SYNE2: variants seen among roughly 807,000 people sequenced by gnomAD.
SYNE2 encodes the protein nesprin-2.
Under a neutral mutation model 856.3 loss-of-function variants are expected in SYNE2, and 431 were observed. The observed-to-expected ratio is 0.50, with a 90% CI of 0.47 to 0.55. SYNE2 has a LOEUF of 0.55. Among genes scored for constraint, SYNE2 ranks in the 20% least tolerant of loss-of-function variants. The pLI is 0.00. For missense variants in SYNE2, 8,129 were observed against 8,023.2 expected (o/e 1.01, Z -0.50); for synonymous variants, 2,923 against 2,872.3 (o/e 1.02, Z -0.56).
chr14:64,199,062 A>G (rs1345848232), intron 99 of SYNE2, among the ~76,000 whole-genome samples: 2 of 152,190 alleles, frequency 1.3e-5, no homozygotes, highest in Admixed American at 1.3e-4. Context: ...AAAGAAAATC[A>G]TGGAGGGGAA....
At chr14:63,770,368 C>T (rs1259679882) in intron 1 of SYNE2, among the ~76,000 whole-genome samples, 1 of 152,160 alleles carries the variant, frequency 6.6e-6, no homozygotes, top group South Asian at 2.1e-4. Context: ...CCACATTCAT[C>T]GACCTCTTTG....
chr14:64,167,178 C>A, intron 90 of SYNE2, 55 bp from the exon 91 acceptor site: 1 of 1,610,206 alleles, frequency 6.2e-7, no homozygotes, highest in South Asian at 1.1e-5. Flanking sequence ...GGTTTTTTGT[C>A]ATCTAGATAT....
At chr14:63,918,654 G>A (rs763407903) in intron 2 of SYNE2, among the ~76,000 whole-genome samples, 7 of 152,062 alleles carry the variant, frequency 4.6e-5, no homozygotes, top group African/African-American at 9.7e-5. Context: ...GAGTAGCCAC[G>A]CGCTTTTGCT....
At chr14:63,887,751 T>G in intron 1 of SYNE2, among the ~76,000 whole-genome samples, 1 of 137,904 alleles carries the variant, frequency 7.3e-6, no homozygotes, top group East Asian at 2.1e-4. Flanking sequence ...GAGTCCTGCT[T>G]TTTTTTTTTT....
chr14:63,776,745 G>A (rs1469959170), intron 1 of SYNE2, among the ~76,000 whole-genome samples: 2 of 151,652 alleles, frequency 1.3e-5, no homozygotes, highest in Non-Finnish European at 1.5e-5. Flanking sequence ...GACTACAAGT[G>A]TGCGCCACCA....
In SYNE2 at chr14:63,997,060, A is replaced by C. The variant is rs751740731; in HGVS notation, c.3054A>C (p.Leu1018=). 108 of 1,613,922 alleles carry C rather than the reference A, an allele frequency of 6.7e-5. No homozygotes were observed. The East Asian group carries it at 2.0e-3, about 29-fold the overall frequency. ...SQKSQQEVKR[L]LKDYEQKIER... is the part of the protein sequence containing the mutation. ...AGAGTCAACAAGAAGTGAAGAGACT[A>C]CTCAAAGATTATGAACAAAAGATAG... is the stretch of plus-strand genomic sequence containing the variant. The change falls in exon 24 of 116, where the codon CTA becomes CTC. Residue 1018 remains leucine (L), a synonymous_variant. Transcript: ENST00000555002.
chr14:64,001,182 T>A (rs1202685597), intron 28 of SYNE2, among the ~76,000 whole-genome samples: 6 of 152,330 alleles, frequency 3.9e-5, no homozygotes, highest in African/African-American at 1.4e-4. Context: ...GTCACACATT[T>A]CAATTTATTA....
rs1283578685 is a variant in SYNE2, at chr14:64,047,507, C to CTTTG, written c.7222-492_7222-489dup. On this transcript the variant is annotated intron_variant, in intron 45 of 115. Coordinates refer to ENST00000555002, the MANE Select transcript of SYNE2 (RefSeq NM_182914.3). ...GCTTGGCTTTCAGGCTTTAAACTGT[C>CTTTG]TTTGGCATGGAGGTGGGGTTTCACT... Among the ~76,000 whole-genome samples, 7 of 152,310 alleles carry CTTTG rather than the reference C, an allele frequency of 4.6e-5. No homozygotes were observed. The South Asian group carries it at 1.4e-3, about 32-fold the overall frequency.
chr14:64,135,518 A>G (rs1451826045), intron 78 of SYNE2, among the ~76,000 whole-genome samples: 1 of 152,112 alleles, frequency 6.6e-6, no homozygotes, highest in Non-Finnish European at 1.5e-5. Context: ...TGATGAGAGT[A>G]CTGTTTAGCT....
rs113127430 is a variant in SYNE2 at position 63,834,945 on chromosome 14, T to C, written c.-304-17556T>C. ...GAGTCACCACGCCTGGCCACATTTG[T>C]CCAATTTCTTAATTCTTATTGTGCA... On this transcript the variant is annotated intron_variant, in intron 1 of 23. Transcript: ENST00000674003. Among the ~76,000 whole-genome samples the C allele has an allele frequency of 9.3e-4, 141 of 152,282 alleles. 1 individual carries two copies. Among genetic ancestry groups the C allele is most frequent in the African/African-American group, 3.2e-3 (133 of 41,562 alleles).
At chr14:63,817,299 A>G (rs1251189492) in intron 1 of SYNE2, among the ~76,000 whole-genome samples, 2 of 151,936 alleles carry the variant, frequency 1.3e-5, no homozygotes, top group Non-Finnish European at 2.9e-5. Context: ...TGTCTCTACA[A>G]AAAAACACAC....
In SYNE2 at chr14:64,187,539, C is replaced by T. The variant is rs549470610; in HGVS notation, c.17712+960C>T. ...GGATTTTTAAAAGATAAACAGATGC[C>T]CCGAGGAATGGAAACACAACACTTG... On this transcript the variant is annotated intron_variant, in intron 97 of 115. Coordinates refer to ENST00000555002, the MANE Select transcript of SYNE2 (RefSeq NM_182914.3). Among the ~76,000 whole-genome samples the T allele has an allele frequency of 1.6e-4, 24 of 152,188 alleles. No individual in the cohort carries two copies. The South Asian group carries it at 5.0e-3, about 32-fold the overall frequency.
At chr14:64,035,226 G>A (rs2097077354) in intron 45 of SYNE2, among the ~76,000 whole-genome samples, 1 of 152,084 alleles carries the variant, frequency 6.6e-6, no homozygotes, top group African/African-American at 2.4e-5. Flanking sequence ...AGCTCTAGCT[G>A]TGGGTGAGTG....
In SYNE2 at chr14:63,990,944, C is replaced by A. The variant is rs967367629; in HGVS notation, c.2475C>A (p.Ile825=). 8.7e-6 allele frequency: 14 copies of A among 1,613,784 alleles called. No individual in the cohort carries two copies. In the African/African-American group the frequency reaches 1.9e-4, roughly 22 times the overall value. ...TTGAGAATTTTTTTGTCTTCAAGAT[C>A]AATGTGGTAAAACTCATTGCAGCGT... ...KIQEAKEKVQ[I]NVVKLIAALK... is the part of the protein sequence containing the mutation. Residue 825 remains isoleucine (I), a splice_region_variant and synonymous_variant, in exon 21 of 116, where the codon ATC becomes ATA. Coordinates refer to ENST00000555002, the MANE Select transcript of SYNE2 (RefSeq NM_182914.3).
chr14:64,101,806 A>C, intron 63 of SYNE2, 126 bp from the exon 64 acceptor site: 1 of 717,630 alleles, frequency 1.4e-6, no homozygotes, highest in East Asian at 2.7e-5. Context: ...GGAGGACTGC[A>C]ATAAAGGGCT....
intron 1 of SYNE2, among the ~76,000 whole-genome samples, chr14:63,901,165 A>T (rs2095332526): frequency 6.6e-6 from 1 of 152,234 alleles, no homozygotes; most frequent in Non-Finnish European, 1.5e-5. Context: ...CTAATGAGAA[A>T]ACGGAAAGCT....
At chr14:63,766,596 T>C (rs753368312) in intron 1 of SYNE2, among the ~76,000 whole-genome samples, 3 of 152,142 alleles carry the variant, frequency 2.0e-5, no homozygotes, top group Non-Finnish European at 4.4e-5. Flanking sequence ...ACTCCAGAAG[T>C]GCAGGTTTAG....
intron 96 of SYNE2, 103 bp from the exon 97 acceptor site, chr14:64,186,321 C>G (rs974038893): frequency 6.8e-7 from 1 of 1,478,728 alleles, no homozygotes; most frequent in African/African-American, 1.4e-5. Context: ...TCTCTCCTGG[C>G]CTCCCCTCCC....
intron 1 of SYNE2, among the ~76,000 whole-genome samples, chr14:63,862,934 G>T (rs1894139531): frequency 6.6e-6 from 1 of 151,880 alleles, no homozygotes; most frequent in East Asian, 1.9e-4. Context: ...AGTAGCTGGA[G>T]CTATAGGCAT....
Sources: gnomAD v4.1 joint callset for allele counts (sites outside exome capture counted in the v4.1 genomes callset) on GRCh38, gnomAD v4.1.1 for gene constraint, MANE v1.5 for transcripts, NCBI Gene and HGNC (gene_info 2026-07-23, HGNC 2026-07-21) for gene names.